PARD3B: variants seen among roughly 807,000 people sequenced by gnomAD.
PARD3B encodes the protein par-3 family cell polarity regulator beta.
Under a neutral mutation model 130.2 loss-of-function variants are expected in PARD3B, and 103 were observed. The observed-to-expected ratio is 0.79, with a 90% confidence interval of 0.67 to 0.93. PARD3B has a LOEUF of 0.93. PARD3B is among the 40% of genes least tolerant of loss of function. The probability of loss-of-function intolerance (pLI) is 0.00; values close to 1 mark genes in which losing one functional copy is unlikely to be tolerated. For synonymous variants in PARD3B, 583 were observed against 553.2 expected (o/e 1.05, Z -0.76); for missense variants, 1,609 against 1,499.2 (o/e 1.07, Z -1.21).
rs1243106759 is a variant in PARD3B, at chr2:205,091,360, A to G, written c.505-13066A>G. Among the ~76,000 whole-genome samples, 2 of 152,098 alleles carry G rather than the reference A, an allele frequency of 1.3e-5. No individual in the cohort carries two copies. The highest frequency in any genetic ancestry group is 2.4e-5 in the African/African-American group (1 of 41,420). ...CACTGGGAGGTTTGTATGTGGAGTG[A>G]TGTATTTTCAAAGAGGCTCCAGAAA... On this transcript the variant is annotated intron_variant, in intron 4 of 22. Coordinates refer to ENST00000406610, the MANE Select transcript of PARD3B (RefSeq NM_001302769.2). This position sits in a 1 kb window ranked among gnomAD's most constrained non-coding sequence, Gnocchi z 4.2.
intron 18 of PARD3B, among the ~76,000 whole-genome samples, chr2:205,344,366 G>A (rs1463239865): frequency 6.6e-6 from 1 of 152,100 alleles, no homozygotes; most frequent in Non-Finnish European, 1.5e-5. Context: ...CCTGAAGAGA[G>A]AAATGAGGTA....
intron 2 of PARD3B, among the ~76,000 whole-genome samples, chr2:204,945,720 AC>A (rs1464943891): frequency 1.3e-5 from 2 of 152,218 alleles, no homozygotes; most frequent in East Asian, 3.8e-4. Context: ...AAACACAAGC[AC>A]AAATTATAGG....
At chr2:205,150,783 A>G (rs1325704803) in intron 10 of PARD3B, among the ~76,000 whole-genome samples, 1 of 152,192 alleles carries the variant, frequency 6.6e-6, no homozygotes, top group Admixed American at 6.5e-5. Flanking sequence ...AGGATACAGT[A>G]TAGTATGGCA....
At chr2:205,005,831 AT>A (rs1364607446) in intron 3 of PARD3B, among the ~76,000 whole-genome samples, 1 of 152,142 alleles carries the variant, frequency 6.6e-6, no homozygotes, top group Admixed American at 6.5e-5. Context: ...TATTACAATA[AT>A]TTTGGGGGTA....
At chr2:205,507,072 T>A (rs191334137) in intron 21 of PARD3B, among the ~76,000 whole-genome samples, 2 of 152,196 alleles carry the variant, frequency 1.3e-5, no homozygotes, top group Non-Finnish European at 1.5e-5. Context: ...GAGGAGATAG[T>A]CTCTCTGTAG....
At chr2:204,787,914 C>T (rs2042066338) in intron 2 of PARD3B, among the ~76,000 whole-genome samples, 1 of 152,122 alleles carries the variant, frequency 6.6e-6, no homozygotes, top group African/African-American at 2.4e-5. Flanking sequence ...CTGGATTTGT[C>T]CATTGATCCT....
rs1553636899 is a variant in PARD3B, at chr2:205,197,030, G to GTGTGT, written c.2140+3710_2140+3711insTGTGT. 4.6e-3 allele frequency among the ~76,000 whole-genome samples: 79 copies of GTGTGT among 17,070 alleles called. 1 individual carries two copies. The highest frequency in any genetic ancestry group is 0.014 in the South Asian group (8 of 552). The allele number at this position is 17,070 out of a possible 152,430, so 11.2% of individuals were successfully genotyped here. ...ACAGGAATGCTTCCACTGTGGGGGG[G>GTGTGT]GGGTGTGTGTGTGTGTGTGTGTGTG... On this transcript the variant is annotated intron_variant, in intron 15 of 22. Coordinates refer to ENST00000406610, the MANE Select transcript of PARD3B (RefSeq NM_001302769.2).
At chr2:204,641,432 GA>G (rs751963284) in intron 1 of PARD3B, among the ~76,000 whole-genome samples, 1 of 150,174 alleles carries the variant, frequency 6.7e-6, no homozygotes. Flanking sequence ...TACTTATGTT[GA>G]AAAGTACTTG....
chr2:205,549,232 G>A (rs929840303), intron 21 of PARD3B, among the ~76,000 whole-genome samples: 1 of 152,122 alleles, frequency 6.6e-6, no homozygotes, highest in East Asian at 1.9e-4. Context: ...CAATTTGGTG[G>A]TTTCTTGCGA....
At chr2:205,471,088 T>A (rs941442065) in intron 20 of PARD3B, among the ~76,000 whole-genome samples, 1 of 152,162 alleles carries the variant, frequency 6.6e-6, no homozygotes, top group African/African-American at 2.4e-5. Flanking sequence ...CTGTGTCTTT[T>A]TAAGTGGATC....
At chr2:205,490,773 G>A (rs1174514030) in intron 20 of PARD3B, among the ~76,000 whole-genome samples, 1 of 152,208 alleles carries the variant, frequency 6.6e-6, no homozygotes, top group African/African-American at 2.4e-5. Flanking sequence ...TCCAGCACCT[G>A]TTGTTTCCTG....
At chr2:205,189,117 G>C (rs1051346403) in intron 14 of PARD3B, among the ~76,000 whole-genome samples, 1 of 152,076 alleles carries the variant, frequency 6.6e-6, no homozygotes, top group Non-Finnish European at 1.5e-5. Flanking sequence ...AGACAACATT[G>C]GGCTATTCCC....
At chr2:205,522,055 CTT>C (rs1018107090) in intron 21 of PARD3B, among the ~76,000 whole-genome samples, 5 of 151,384 alleles carry the variant, frequency 3.3e-5, no homozygotes, top group African/African-American at 1.2e-4. Context: ...AATTATATCT[CTT>C]TGAGATTTTT....
At chr2:205,303,533 A>G (rs1285080517) in intron 18 of PARD3B, among the ~76,000 whole-genome samples, 2 of 152,146 alleles carry the variant, frequency 1.3e-5, no homozygotes, top group African/African-American at 4.8e-5. Context: ...GGCTTATTAG[A>G]GTTCCTGATC....
intron 4 of PARD3B, among the ~76,000 whole-genome samples, chr2:205,075,708 G>A (rs1221374200): frequency 1.4e-5 from 2 of 147,142 alleles, no homozygotes; most frequent in African/African-American, 2.5e-5. Flanking sequence ...AAGAATTTTT[G>A]ATAGACATTT....
At chr2:204,611,131 T>A (rs1366973250) in intron 1 of PARD3B, among the ~76,000 whole-genome samples, 2 of 152,188 alleles carry the variant, frequency 1.3e-5, no homozygotes, top group Non-Finnish European at 2.9e-5. Context: ...CTGATCTCAG[T>A]CCTGTTAGGG....
At chr2:204,582,582 T>A (rs1183762548) in intron 1 of PARD3B, among the ~76,000 whole-genome samples, 1 of 152,266 alleles carries the variant, frequency 6.6e-6, no homozygotes, top group East Asian at 1.9e-4. Context: ...GTGGGTTTTG[T>A]AGATTAATGT....
intron 15 of PARD3B, among the ~76,000 whole-genome samples, chr2:205,215,309 A>G (rs1237096044): frequency 6.6e-6 from 1 of 151,914 alleles, no homozygotes; most frequent in Non-Finnish European, 1.5e-5. Context: ...AACATCCTGT[A>G]AAGTTACTTG....
In PARD3B at chr2:205,142,599, A is replaced by G. The variant is rs1444081040; in HGVS notation, c.1435-16123A>G. Among the ~76,000 whole-genome samples, 1 of 152,056 alleles carries G rather than the reference A, an allele frequency of 6.6e-6. No homozygotes were observed. The highest frequency in any genetic ancestry group is 2.4e-5 in the African/African-American group (1 of 41,416). ...ATAGCAGAGTTAAGATAGACAGGCAACCAGGCACAGTGGCTCACGCCTGTA... is the reference window on the plus strand; with the variant it reads ...ATAGCAGAGTTAAGATAGACAGGCAGCCAGGCACAGTGGCTCACGCCTGTA... On this transcript the variant is annotated intron_variant, in intron 10 of 22. Transcript: ENST00000406610. The surrounding 1 kb of genome is among the most constrained non-coding windows in gnomAD (Gnocchi z 4.3).
Sources: allele counts gnomAD v4.1 joint callset (sites outside exome capture counted in the v4.1 genomes callset), GRCh38; gene constraint gnomAD v4.1.1; non-coding constraint Gnocchi (gnomAD v3.1); transcripts MANE v1.5; gene names NCBI Gene and HGNC (gene_info 2026-07-23, HGNC 2026-07-21).